CUX2: variants seen among roughly 807,000 people sequenced by gnomAD.
CUX2 encodes the protein cut like homeobox 2, also known as homeobox protein cut-like 2.
A neutral mutation model predicts 144.8 loss-of-function variants in CUX2; 40 were observed. The ratio of observed to expected loss-of-function variants is 0.28; its 90% CI spans 0.21 to 0.36. The LOEUF (loss-of-function observed/expected upper bound fraction) is 0.36, where lower values mean the gene tolerates loss of function less well. Ranked by LOEUF, CUX2 falls within the 10% of genes least tolerant of loss-of-function variation. The pLI, the probability that CUX2 is intolerant of heterozygous loss-of-function variation, is 1.00. For missense variants in CUX2, 1,615 were observed against 1,994.0 expected (o/e 0.81, Z 3.62); for synonymous variants, 827 against 875.6 (o/e 0.94, Z 0.98).
rs186181548 is a variant in CUX2 at position 111,176,116 on chromosome 12, A to G, written c.64-38084A>G. ...GCCCAGGCTGCAATACAGTGATGCG[A>G]TCACAGCTCACTGCATCCTCAAACT... On this transcript the variant is annotated intron_variant, in intron 1 of 21. Coordinates refer to ENST00000261726, the MANE Select transcript of CUX2 (RefSeq NM_015267.4). 7.7e-5 allele frequency among the ~76,000 whole-genome samples: 11 copies of G among 143,018 alleles called. No individual in the cohort carries two copies. The East Asian group carries it at 2.0e-3, about 27-fold the overall frequency. 93.8% of individuals were successfully genotyped at this position (143,018 alleles called of 152,430 possible).
At chr12:111,319,980 G>C (rs762673213) in intron 16 of CUX2, 32 bp from the exon 17 acceptor site, 17 of 1,443,134 alleles carry the variant, frequency 1.2e-5, no homozygotes, top group African/African-American at 1.5e-5. Context: ...CCTGACCCTG[G>C]GCCTCGGGCC....
At position 111,307,052 on chromosome 12, in the gene CUX2, A is replaced by G. The variant is rs1207275720; in HGVS notation, c.990A>G (p.Ala330=). The change falls in exon 11 of 22, where the codon GCA becomes GCG. Residue 330 remains alanine (A), a synonymous_variant. Transcript: ENST00000261726. This position sits in a 1 kb window ranked among gnomAD's most constrained non-coding sequence, Gnocchi z 4.1. ...GCTCACTGCAGGAGCTGGAGGAGGC[A>G]TCCGCCAACCAGATCGCCGACCTGG... ...LQSSLQELEE[A]SANQIADLER... is the part of the protein sequence containing the mutation. 6.2e-7 allele frequency: 1 copy of G among 1,613,728 alleles called. No homozygotes were observed. Among genetic ancestry groups the G allele is most frequent in the Admixed American group, 1.7e-5 (1 of 60,006 alleles).
rs1869305530 is a variant in CUX2 at position 111,034,338 on chromosome 12, G to A, written c.63+98G>A. On this transcript the variant is annotated intron_variant, in intron 1 of 21. Coordinates refer to ENST00000261726, the MANE Select transcript of CUX2 (RefSeq NM_015267.4). The surrounding 1 kb of genome is among the most constrained non-coding windows in gnomAD (Gnocchi z 4.2). The stretch of plus-strand genomic sequence containing the variant: ...CCCGGGCGGGCAGGCGGACGCCCTG[G>A]GGCGGCGGGCGGCGGCTGCCGGGGC... The A allele has an allele frequency of 1.7e-6, 1 of 586,418 alleles. No homozygotes were observed. Among genetic ancestry groups the A allele is most frequent in the Non-Finnish European group, 2.2e-6 (1 of 459,588 alleles). The allele number at this position is 586,418 out of a possible 1,614,324, so 36.3% of individuals were successfully genotyped here. A position where few individuals can be genotyped will look rare whatever the true frequency, so the allele number is the denominator to read the frequency against.
rs905301838 is a variant in CUX2 at position 111,310,758 on chromosome 12, C to T, written c.1900+76C>T. ...GCATCAGGGCTGGGGGCTGAGGACACGCGCTCTGGGTTCAAAGCCCAGCTC... is the reference window on the plus strand; with the variant it reads ...GCATCAGGGCTGGGGGCTGAGGACATGCGCTCTGGGTTCAAAGCCCAGCTC... On this transcript the variant is annotated intron_variant, in intron 15 of 21. Coordinates refer to ENST00000261726, the MANE Select transcript of CUX2 (RefSeq NM_015267.4). This position sits in a 1 kb window ranked among gnomAD's most constrained non-coding sequence, Gnocchi z 7.9. 1.0e-5 allele frequency: 15 copies of T among 1,474,584 alleles called. No homozygotes were observed. Among genetic ancestry groups the T allele is most frequent in the East Asian group, 4.7e-5 (2 of 42,634 alleles). The allele number at this position is 1,474,584 out of a possible 1,614,324, so 91.3% of individuals were successfully genotyped here. A position where few individuals can be genotyped will look rare whatever the true frequency, so the allele number is the denominator to read the frequency against.
Position 111,347,560 on chromosome 12 carries a change from C to A in CUX2, c.3696C>A (p.Thr1232=), listed in dbSNP as rs1325507773. Residue 1232 remains threonine (T), a synonymous_variant, in exon 22 of 22, where the codon ACC becomes ACA. Coordinates refer to ENST00000261726, the MANE Select transcript of CUX2 (RefSeq NM_015267.4). ...GCCGGGAGATGTTGGTGGAGGGGAC[C>A]CAGGATGAGCCAGACCTTGATCCAA... ...RMRREMLVEG[T]QDEPDLDPSG... 1 of 1,609,304 alleles carries A rather than the reference C, an allele frequency of 6.2e-7. No individual in the cohort carries two copies. Among genetic ancestry groups the A allele is most frequent in the African/African-American group, 1.3e-5 (1 of 74,670 alleles).
intron 3 of CUX2, among the ~76,000 whole-genome samples, chr12:111,239,049 T>C (rs1326635173): frequency 6.6e-6 from 1 of 151,990 alleles, no homozygotes; most frequent in Non-Finnish European, 1.5e-5. Flanking sequence ...CGTCTCTAAA[T>C]AGATAAATAA....
chr12:111,192,356 C>T (rs1879944848), intron 1 of CUX2, among the ~76,000 whole-genome samples: 1 of 152,118 alleles, frequency 6.6e-6, no homozygotes, highest in African/African-American at 2.4e-5. Context: ...TCTCGAACTC[C>T]TGACCTCAAG....
At position 111,160,305 on chromosome 12, in the gene CUX2, A is replaced by G. The variant is rs915844727; in HGVS notation, c.64-53895A>G. ...TAAATGGACCCCCTAAGGCTGAGGA[A>G]TCAGACCAGTCAGAGATAGGTGTGT... On this transcript the variant is annotated intron_variant, in intron 1 of 21. Coordinates refer to ENST00000261726, the MANE Select transcript of CUX2 (RefSeq NM_015267.4). The surrounding 1 kb of genome is among the most constrained non-coding windows in gnomAD (Gnocchi z 4.1). Among the ~76,000 whole-genome samples the G allele has an allele frequency of 6.6e-6, 1 of 152,218 alleles. No homozygotes were observed. Among genetic ancestry groups the G allele is most frequent in the African/African-American group, 2.4e-5 (1 of 41,466 alleles).
rs1397371243 is a variant in CUX2, at chr12:111,320,570, CTGA to C, written c.2562_2564del (p.Glu855del). On this transcript the variant is annotated inframe_deletion, in exon 17 of 22. Coordinates refer to ENST00000261726, the MANE Select transcript of CUX2 (RefSeq NM_015267.4). This position sits in a 1 kb window ranked among gnomAD's most constrained non-coding sequence, Gnocchi z 8.1. Reference sequence around the variant, plus strand: ...CCCCCCAGGACGGGCGAGCTCAAGGCTGAGGGCGCGACGGCCGAGGCGGGCGCG... The same window carrying C: ...CCCCCCAGGACGGGCGAGCTCAAGGCGGGCGCGACGGCCGAGGCGGGCGCG... 2 of 1,530,472 alleles carry C rather than the reference CTGA, an allele frequency of 1.3e-6. No homozygotes were observed. The highest frequency in any genetic ancestry group is 2.4e-5 in the South Asian group (2 of 82,920). The allele number at this position is 1,530,472 out of a possible 1,614,324, so 94.8% of individuals were successfully genotyped here. A position where few individuals can be genotyped will look rare whatever the true frequency, so the allele number is the denominator to read the frequency against.
chr12:111,196,532 A>G (rs1314766517), intron 1 of CUX2, among the ~76,000 whole-genome samples: 3 of 152,194 alleles, frequency 2.0e-5, no homozygotes, highest in Non-Finnish European at 4.4e-5. Context: ...GGTTTCAATG[A>G]GAATTTGGGC....
intron 3 of CUX2, among the ~76,000 whole-genome samples, chr12:111,250,027 A>G (rs1336267763): frequency 6.6e-6 from 1 of 152,178 alleles, no homozygotes; most frequent in East Asian, 1.9e-4. Context: ...CCACCATCAC[A>G]GTGTCACATA....
chr12:111,046,169 G>T (rs965723075), intron 1 of CUX2, among the ~76,000 whole-genome samples: 1 of 152,208 alleles, frequency 6.6e-6, no homozygotes, highest in East Asian at 1.9e-4. Flanking sequence ...AGCCAGGTGC[G>T]CTGGCTCTTT....
At chr12:111,179,135 T>C (rs1180604731) in intron 1 of CUX2, among the ~76,000 whole-genome samples, 2 of 152,060 alleles carry the variant, frequency 1.3e-5, no homozygotes, top group African/African-American at 4.8e-5. Context: ...ACTCCCCTCC[T>C]CATTGAGGAT....
chr12:111,147,832 G>T (rs754202485), intron 1 of CUX2, among the ~76,000 whole-genome samples: 2 of 152,116 alleles, frequency 1.3e-5, no homozygotes, highest in Non-Finnish European at 2.9e-5. Flanking sequence ...TGTCCAGCAG[G>T]TCTCAGCAAA....
intron 4 of CUX2, among the ~76,000 whole-genome samples, chr12:111,288,654 C>A (rs899032128): frequency 2.6e-5 from 4 of 151,982 alleles, no homozygotes; most frequent in African/African-American, 9.7e-5. Context: ...TGGTGAAACC[C>A]CAACTCTATT....
intron 1 of CUX2, among the ~76,000 whole-genome samples, chr12:111,155,655 C>T (rs1262434459): frequency 2.0e-5 from 3 of 152,136 alleles, no homozygotes; most frequent in South Asian, 2.1e-4. Context: ...ATGGCAGACC[C>T]GGACAGCTCT....
intron 9 of CUX2, among the ~76,000 whole-genome samples, chr12:111,299,650 A>G (rs910737450): frequency 1.3e-5 from 2 of 152,190 alleles, no homozygotes; most frequent in Non-Finnish European, 2.9e-5. Context: ...TTTTTCTGAA[A>G]TGATCATTAA....
intron 4 of CUX2, among the ~76,000 whole-genome samples, chr12:111,286,261 G>A (rs991366567): frequency 6.6e-6 from 1 of 152,170 alleles, no homozygotes; most frequent in Non-Finnish European, 1.5e-5. Flanking sequence ...CTGGCACTAT[G>A]CAGTTCTCTG....
intron 1 of CUX2, among the ~76,000 whole-genome samples, chr12:111,159,720 C>A (rs140729374): frequency 2.6e-5 from 4 of 152,246 alleles, no homozygotes; most frequent in African/African-American, 9.6e-5. Context: ...GCAAGTGCAG[C>A]CCTATTTAAA....
Sources: gnomAD v4.1 joint callset for allele counts (sites outside exome capture counted in the v4.1 genomes callset) on GRCh38, gnomAD v4.1.1 for gene constraint, Gnocchi (gnomAD v3.1) non-coding constraint, MANE v1.5 for transcripts, NCBI Gene and HGNC (gene_info 2026-07-23, HGNC 2026-07-21) for gene names.